FBXO11: variants seen among roughly 807,000 people sequenced by gnomAD.
FBXO11 encodes F-box protein 11.
In FBXO11, 13 loss-of-function variants were observed where a neutral mutation model predicts 117.0. The ratio of observed to expected loss-of-function variants is 0.11; its 90% CI spans 0.07 to 0.18. The LOEUF (loss-of-function observed/expected upper bound fraction) is 0.18, where lower values mean the gene tolerates loss of function less well. FBXO11 is among the 10% of genes least tolerant of loss of function. FBXO11 has a pLI of 1.00. For missense variants in FBXO11, 767 were observed against 1,164.4 expected (o/e 0.66, Z 4.97); for synonymous variants, 490 against 380.5 (o/e 1.29, Z -3.35).
At chr2:47,874,827 GCCTGGCCAC>G (rs1381614473) in intron 1 of FBXO11, among the ~76,000 whole-genome samples, 18 of 149,264 alleles carry the variant, frequency 1.2e-4, no homozygotes. Context: ...GTGCCACCAT[GCCTGGCCAC>G]ATACAAAATT....
At chr2:47,901,105 G>A (rs1392863134) in intron 1 of FBXO11, among the ~76,000 whole-genome samples, 27 of 111,374 alleles carry the variant, frequency 2.4e-4, no homozygotes, top group Non-Finnish European at 3.6e-4. Context: ...ACATATATAT[G>A]TATATATGTA....
chr2:47,841,359 T>A (rs1322657495), intron 1 of FBXO11, among the ~76,000 whole-genome samples: 1 of 152,208 alleles, frequency 6.6e-6, no homozygotes, highest in African/African-American at 2.4e-5. Context: ...ATAATAAAAT[T>A]AGAGAATCAC....
intron 1 of FBXO11, 159 bp downstream of exon 1, chr2:47,905,311 CCGGCCGGGCCCGGCCCGGG>C (rs1485724399): frequency 3.7e-6 from 2 of 534,198 alleles, no homozygotes; most frequent in East Asian, 1.2e-4. Context: ...GCTTTTCCTG[CCGGCCGGGCCCGGCCCGGG>C]CTGACACTGC....
chr2:47,866,588 C>T (rs986063915), intron 1 of FBXO11, among the ~76,000 whole-genome samples: 1 of 151,952 alleles, frequency 6.6e-6, no homozygotes, highest in Non-Finnish European at 1.5e-5. Context: ...ATTCTCCTGC[C>T]TCAGCCTCCC....
chr2:47,843,880 A>G (rs889064951), intron 1 of FBXO11, among the ~76,000 whole-genome samples: 2 of 152,068 alleles, frequency 1.3e-5, no homozygotes, highest in Admixed American at 1.3e-4. Context: ...AGCTGGGATT[A>G]CAGGCACGCG....
intron 1 of FBXO11, chr2:47,866,033 C>T (rs912101562): frequency 6.6e-6 from 1 of 152,112 alleles, no homozygotes; most frequent in Non-Finnish European, 1.5e-5. Context: ...GGAAGAATCA[C>T]TTGCAGCCAG....
intron 11 of FBXO11, 21 bp from the exon 12 acceptor site, chr2:47,823,381 A>C: frequency 6.5e-7 from 1 of 1,529,084 alleles, no homozygotes; most frequent in Non-Finnish European, 8.9e-7. Context: ...CAGAAATTAA[A>C]TCTGTAGGTA....
At chr2:47,858,230 G>C (rs1211159944) in intron 1 of FBXO11, among the ~76,000 whole-genome samples, 7 of 151,830 alleles carry the variant, frequency 4.6e-5, no homozygotes, top group Admixed American at 3.9e-4. Context: ...GGCTGGTCTT[G>C]AGCTCCTGAC....
intron 1 of FBXO11, among the ~76,000 whole-genome samples, chr2:47,876,067 T>C (rs927971143): frequency 1.3e-4 from 20 of 152,206 alleles, no homozygotes; most frequent in African/African-American, 4.8e-4. Context: ...GAAGGTAAAA[T>C]AACTCCTTAA....
intron 1 of FBXO11, among the ~76,000 whole-genome samples, chr2:47,878,890 A>C (rs1443714244): frequency 1.3e-5 from 2 of 151,978 alleles, no homozygotes; most frequent in African/African-American, 4.8e-5. Flanking sequence ...GAGGCAGGAG[A>C]ATCACTTGAA....
chr2:47,873,219 A>G (rs1169262680), intron 1 of FBXO11, among the ~76,000 whole-genome samples: 1 of 152,186 alleles, frequency 6.6e-6, no homozygotes, highest in Non-Finnish European at 1.5e-5. Flanking sequence ...TCAACTTTTC[A>G]TATGCAGACT....
intron 19 of FBXO11, chr2:47,810,027 T>C (rs755819064): frequency 7.7e-5 from 38 of 491,626 alleles, no homozygotes; most frequent in Middle Eastern, 5.2e-4. Flanking sequence ...ATCTGAGGAA[T>C]TGAATCTATC....
At chr2:47,855,558 G>A (rs373034320) in intron 1 of FBXO11, among the ~76,000 whole-genome samples, 8 of 152,302 alleles carry the variant, frequency 5.3e-5, no homozygotes, top group South Asian at 4.1e-4. Flanking sequence ...ATGTGGCCAG[G>A]TGCAGTGGCT....
chr2:47,809,659 A>T lies in FBXO11; in HGVS notation c.2387T>A (p.Ile796Asn), dbSNP rs1670473144. 6.2e-7 allele frequency: 1 copy of T among 1,613,566 alleles called. No homozygotes were observed. The highest frequency in any genetic ancestry group is 1.3e-5 in the African/African-American group (1 of 74,928). Residue 796 changes from isoleucine (I) to asparagine (N), a missense_variant, in exon 20 of 23, where the codon ATT becomes AAT. Physicochemically the swap from Ile to Asn is moderately radical, Grantham distance 149 (BLOSUM62 -3). Around this residue, in one of 10 missense-constraint regions of FBXO11, gnomAD observed 66 missense variants for 82.7 expected, o/e 0.80. Transcript: ENST00000403359. ...HATATLEGNQ[I>N]FNNRFGGLFL... Reference sequence around the variant, plus strand: ...TAAGCCTCCAAACCGGTTGTTAAAAATCTGATTGCCTTCTAGTGTTGCAGT... The same window carrying T: ...TAAGCCTCCAAACCGGTTGTTAAAATTCTGATTGCCTTCTAGTGTTGCAGT...
Position 47,883,177 on chromosome 2 carries a change from G to C in FBXO11, c.232+22312C>G, listed in dbSNP as rs368370833. Among the ~76,000 whole-genome samples, 12 of 152,258 alleles carry C rather than the reference G, an allele frequency of 7.9e-5. No homozygotes were observed. In the East Asian group the frequency reaches 2.1e-3, roughly 27 times the overall value. ...ACTAATGACTGTTCTTTGTGTTTGG[G>C]AAGTTTTGCTGCCATATCAGCTTCT... On this transcript the variant is annotated intron_variant, in intron 1 of 22. Coordinates refer to ENST00000403359, the MANE Select transcript of FBXO11 (RefSeq NM_001190274.2).
At chr2:47,902,063 G>T (rs1259306845) in intron 1 of FBXO11, among the ~76,000 whole-genome samples, 1 of 152,222 alleles carries the variant, frequency 6.6e-6, no homozygotes, top group Non-Finnish European at 1.5e-5. Context: ...AGCCTCCAGA[G>T]TAGCTGGGAT....
chr2:47,808,090 G>C lies in FBXO11; in HGVS notation c.*28C>G, dbSNP rs201160461. ...GTGTTTTAAGTTATGATGTTACAAT[G>C]GCAGGACTTTTTCTTTAGGGAAGGA... is the stretch of plus-strand genomic sequence containing the variant. On this transcript the variant is annotated 3_prime_UTR_variant, in exon 23 of 23. Coordinates refer to ENST00000403359, the MANE Select transcript of FBXO11 (RefSeq NM_001190274.2). 8 of 1,579,018 alleles carry C rather than the reference G, an allele frequency of 5.1e-6. No homozygotes were observed. Among genetic ancestry groups the C allele is most frequent in the Admixed American group, 1.8e-5 (1 of 56,746 alleles).
At chr2:47,890,399 C>T (rs1677169926) in intron 1 of FBXO11, among the ~76,000 whole-genome samples, 1 of 152,130 alleles carries the variant, frequency 6.6e-6, no homozygotes, top group Admixed American at 6.6e-5. Flanking sequence ...ACTTAAAGCA[C>T]ACTTCCAACA....
chr2:47,854,476 A>G (rs1674112424), intron 1 of FBXO11, among the ~76,000 whole-genome samples: 1 of 152,022 alleles, frequency 6.6e-6, no homozygotes, highest in South Asian at 2.1e-4. Flanking sequence ...AACTATGAAT[A>G]CTGGGGGGTA....
Sources: gnomAD v4.1 joint callset for allele counts (sites outside exome capture counted in the v4.1 genomes callset) on GRCh38, gnomAD v4.1.1 for gene constraint, gnomAD v4.1.1 regional missense constraint, MANE v1.5 for transcripts, NCBI Gene and HGNC (gene_info 2026-07-23, HGNC 2026-07-21) for gene names.